LRRC8B: variants seen among roughly 807,000 people sequenced by gnomAD.
LRRC8B encodes the protein leucine rich repeat containing 8 VRAC subunit B, also known as volume-regulated anion channel subunit LRRC8B.
Under a neutral mutation model 58.8 loss-of-function variants are expected in LRRC8B, and 23 were observed. That is an observed-to-expected ratio of 0.39 (90% CI 0.28 to 0.55). LRRC8B has a LOEUF of 0.55. Among genes scored for constraint, LRRC8B ranks in the 20% least tolerant of loss-of-function variants. The pLI, the probability that LRRC8B is intolerant of heterozygous loss-of-function variation, is 0.62. For missense variants in LRRC8B, 694 were observed against 936.0 expected, an observed-to-expected ratio of 0.74 and a Z score of 3.37; for synonymous variants, 359 against 374.1, an observed-to-expected ratio of 0.96 and a Z score of 0.47.
chr1:89,541,378 G>A (rs1650954628), intron 1 of LRRC8B, among the ~76,000 whole-genome samples: 1 of 152,186 alleles, frequency 6.6e-6, no homozygotes, highest in Non-Finnish European at 1.5e-5. Flanking sequence ...AACATAGAAA[G>A]TAGACCAGGT....
rs186809299 is a variant in LRRC8B, at chr1:89,556,556, C to T, written c.-240-11691C>T. Among the ~76,000 whole-genome samples, 159 of 152,088 alleles carry T rather than the reference C, an allele frequency of 1.0e-3. 1 individual carries two copies. Among genetic ancestry groups the T allele is most frequent in the Non-Finnish European group, 2.0e-3 (134 of 68,014 alleles). On this transcript the variant is annotated intron_variant, in intron 1 of 5. Coordinates refer to ENST00000330947, the MANE Select transcript of LRRC8B (RefSeq NM_001369817.2). ...AATGGAGCCCTTAAACCTGTGGAGT[C>T]TGATGCTAACTCTGAGTAGTTAATG...
At position 89,593,046 on chromosome 1, in the gene LRRC8B, TAAAGA is replaced by T. The variant is rs1655092437; in HGVS notation, c.*9_*13del. 1.2e-6 allele frequency: 2 copies of T among 1,606,926 alleles called. No homozygotes were observed. The highest frequency in any genetic ancestry group is 1.7e-6 in the Non-Finnish European group (2 of 1,175,272). The stretch of plus-strand genomic sequence containing the variant: ...AGACGTGCTTAGACAAATGTTGACT[TAAAGA>T]AAAGAGACCCGTGTTTCAAAATCAT... On this transcript the variant is annotated 3_prime_UTR_variant, in exon 6 of 6. Coordinates refer to ENST00000330947, the MANE Select transcript of LRRC8B (RefSeq NM_001369817.2).
At position 89,583,975 on chromosome 1, in the gene LRRC8B, T is replaced by C. The variant is rs1435450200; in HGVS notation, c.1325T>C (p.Met442Thr). The change falls in exon 5 of 6, where the codon ATG becomes ACG. Residue 442 changes from methionine to threonine, a missense_variant. Physicochemically the swap from Met to Thr is moderately conservative, Grantham distance 81. Transcript: ENST00000330947. This position sits in a 1 kb window ranked among gnomAD's most constrained non-coding sequence, Gnocchi z 5.2. ...LPDNVFELTEMEVLSLELIPE... is the reference protein window; with the variant it reads ...LPDNVFELTETEVLSLELIPE... ...GACAATGTCTTTGAGTTAACTGAAATGGAAGTGCTAAGCCTGGAGCTTATC... is the reference window on the plus strand; with the variant it reads ...GACAATGTCTTTGAGTTAACTGAAACGGAAGTGCTAAGCCTGGAGCTTATC... 3.1e-6 allele frequency: 5 copies of C among 1,614,210 alleles called. No homozygotes were observed. In the South Asian group the frequency reaches 4.4e-5, roughly 14 times the overall value.
At position 89,584,051 on chromosome 1, in the gene LRRC8B, G is replaced by A. The variant is rs563829206; in HGVS notation, c.1401G>A (p.Glu467=). The A allele has an allele frequency of 5.6e-6, 9 of 1,614,132 alleles. No homozygotes were observed. In the South Asian group the frequency reaches 9.9e-5, roughly 18 times the overall value. ...SAVSQLVNLK[E]LRVYHSSLVV... ...TCTCACAGCTGGTCAACCTCAAGGA[G>A]CTTCGTGTGTACCATTCATCTCTGG... The change falls in exon 5 of 6, where the codon GAG becomes GAA. Residue 467 remains glutamate (E), a synonymous_variant. Coordinates refer to ENST00000330947, the MANE Select transcript of LRRC8B (RefSeq NM_001369817.2).
At chr1:89,530,739 G>A (rs977835096) in intron 1 of LRRC8B, among the ~76,000 whole-genome samples, 1 of 152,210 alleles carries the variant, frequency 6.6e-6, no homozygotes, top group Non-Finnish European at 1.5e-5. Flanking sequence ...CTATGCATGG[G>A]ATGGCCTTCT....
At chr1:89,559,560 C>G (rs1652454415) in intron 1 of LRRC8B, among the ~76,000 whole-genome samples, 2 of 149,992 alleles carry the variant, frequency 1.3e-5, no homozygotes, top group African/African-American at 4.9e-5. Context: ...GAGCCATGAC[C>G]GCAACACTGC....
At chr1:89,543,769 T>G (rs909108204) in intron 1 of LRRC8B, among the ~76,000 whole-genome samples, 31 of 151,928 alleles carry the variant, frequency 2.0e-4, no homozygotes, top group African/African-American at 7.5e-4. Context: ...GTGCTGGGAT[T>G]ACAGACATGA....
intron 1 of LRRC8B, among the ~76,000 whole-genome samples, chr1:89,533,510 G>A (rs192538154): frequency 4.6e-5 from 7 of 152,280 alleles, no homozygotes; most frequent in Admixed American, 3.9e-4. Context: ...GACAAGCACA[G>A]AACCATCTTT....
Position 89,584,324 on chromosome 1 carries a change from C to G in LRRC8B, c.1674C>G (p.Asp558Glu). The G allele has an allele frequency of 1.9e-6, 3 of 1,614,112 alleles. No homozygotes were observed. Among genetic ancestry groups the G allele is most frequent in the Non-Finnish European group, 2.5e-6 (3 of 1,180,026 alleles). ...SLSRIPQVVT[D>E]LLPSLQKLSL... ...CCCGGATCCCACAAGTTGTTACAGA[C>G]CTCCTGCCTTCATTGCAGAAACTGT... is the stretch of plus-strand genomic sequence containing the variant. Residue 558 changes from aspartate to glutamate, a missense_variant, in exon 5 of 6, where the codon GAC becomes GAG. Asp to Glu is a conservative substitution (Grantham distance 45, BLOSUM62 2). Around this residue, in one of 5 missense-constraint regions of LRRC8B, gnomAD observed 162 missense variants for 198.5 expected, o/e 0.82. Transcript: ENST00000330947.
intron 1 of LRRC8B, among the ~76,000 whole-genome samples, chr1:89,556,642 A>C (rs892920722): frequency 6.6e-6 from 1 of 152,142 alleles, no homozygotes; most frequent in Non-Finnish European, 1.5e-5. Flanking sequence ...TATCAGAAAA[A>C]AAGACATCTC....
At chr1:89,535,004 C>T (rs1310915819) in intron 1 of LRRC8B, among the ~76,000 whole-genome samples, 1 of 151,902 alleles carries the variant, frequency 6.6e-6, no homozygotes, top group African/African-American at 2.4e-5. Context: ...TTTTTACACC[C>T]CAAGGCAATG....
rs537539532 is a variant in LRRC8B, at chr1:89,588,333, A to G, written c.2139+3544A>G. Among the ~76,000 whole-genome samples, 443 of 152,360 alleles carry G rather than the reference A, an allele frequency of 2.9e-3. 2 individuals carry two copies. Among genetic ancestry groups the G allele is most frequent in the Non-Finnish European group, 4.3e-3 (293 of 68,034 alleles). Reference sequence around the variant, plus strand: ...TGCAGGATTCTTCAGAGCCTTTAACATATGAATATGCATTGTGCTTCTCCA... The same window carrying G: ...TGCAGGATTCTTCAGAGCCTTTAACGTATGAATATGCATTGTGCTTCTCCA... On this transcript the variant is annotated intron_variant, in intron 5 of 5. Transcript: ENST00000330947.
rs536825913 is a variant in LRRC8B at position 89,548,243 on chromosome 1, CT to C, written c.-240-19996del. 7.8e-4 allele frequency among the ~76,000 whole-genome samples: 119 copies of C among 152,088 alleles called. 2 individuals are homozygous for C. The East Asian group carries it at 0.016, about 20-fold the overall frequency. On this transcript the variant is annotated intron_variant, in intron 1 of 5. Coordinates refer to ENST00000330947, the MANE Select transcript of LRRC8B (RefSeq NM_001369817.2). ...ATAGCATGAATTACTCAGAATACAT[CT>C]TTTTTTTAAGTTTGAAGTTTTAATT...
chr1:89,572,241 C>T lies in LRRC8B; in HGVS notation c.-125+3748C>T, dbSNP rs929729008. 2.0e-5 allele frequency among the ~76,000 whole-genome samples: 3 copies of T among 152,132 alleles called. No individual in the cohort carries two copies. The East Asian group carries it at 5.8e-4, about 29-fold the overall frequency. ...AGTCTGAAGGGCTTTTCATTGTAGG[C>T]GACCTGACCTTTCTGTCTAGCTGCC... On this transcript the variant is annotated intron_variant, in intron 3 of 5. Coordinates refer to ENST00000330947, the MANE Select transcript of LRRC8B (RefSeq NM_001369817.2).
intron 3 of LRRC8B, among the ~76,000 whole-genome samples, chr1:89,576,107 C>G (rs1257417882): frequency 1.3e-5 from 2 of 151,512 alleles, no homozygotes; most frequent in East Asian, 3.9e-4. Flanking sequence ...GATGACAGCA[C>G]TATTGAAATA....
At chr1:89,557,655 C>T (rs561474693) in intron 1 of LRRC8B, among the ~76,000 whole-genome samples, 20 of 152,280 alleles carry the variant, frequency 1.3e-4, no homozygotes, top group African/African-American at 4.8e-4. Flanking sequence ...AAAACCAGCC[C>T]CTGCTTCTCA....
intron 3 of LRRC8B, among the ~76,000 whole-genome samples, chr1:89,578,602 C>T (rs1654016531): frequency 1.3e-5 from 2 of 151,946 alleles, no homozygotes; most frequent in African/African-American, 4.8e-5. Flanking sequence ...TTGGACATGC[C>T]CAAATTTTTG....
chr1:89,527,546 G>A (rs1649795909), intron 1 of LRRC8B, among the ~76,000 whole-genome samples: 1 of 152,216 alleles, frequency 6.6e-6, no homozygotes, highest in South Asian at 2.1e-4. Context: ...CCCAGTTATA[G>A]TGTAGAATTT....
Position 89,592,975 on chromosome 1 carries a change from G to A in LRRC8B, c.2344G>A (p.Glu782Lys), listed in dbSNP as rs763560088. Residue 782 changes from glutamate (E) to lysine (K), a missense_variant, in exon 6 of 6, where the codon GAG (glutamate) becomes AAG (lysine). Physicochemically the swap from Glu to Lys is moderately conservative, Grantham distance 56. Coordinates refer to ENST00000330947, the MANE Select transcript of LRRC8B (RefSeq NM_001369817.2). ...SLKRNCLIVEENLLNTLPLPV... is the reference protein window; with the variant it reads ...SLKRNCLIVEKNLLNTLPLPV... ...AAAACGGAACTGTCTGATTGTTGAG[G>A]AGAACTTGCTCAATACTCTTCCTCT... The A allele has an allele frequency of 7.4e-6, 12 of 1,613,952 alleles. No individual in the cohort carries two copies. The highest frequency in any genetic ancestry group is 1.0e-5 in the Non-Finnish European group (12 of 1,179,938).
Sources: allele counts gnomAD v4.1 joint callset (sites outside exome capture counted in the v4.1 genomes callset), GRCh38; gene constraint gnomAD v4.1.1; regional missense constraint gnomAD v4.1.1; non-coding constraint Gnocchi (gnomAD v3.1); transcripts MANE v1.5; gene names NCBI Gene and HGNC (gene_info 2026-07-23, HGNC 2026-07-21).